The following SLC35D1 variants were observed in gnomAD, a reference collection of about 807,000 sequenced individuals.
SLC35D1 encodes the protein solute carrier family 35 member D1, also known as nucleotide sugar transporter SLC35D1.
Under a neutral mutation model 46.7 loss-of-function variants are expected in SLC35D1, and 31 were observed. That is an observed-to-expected ratio of 0.66 (90% CI 0.50 to 0.90). SLC35D1 has a LOEUF of 0.90. Among genes scored for constraint, SLC35D1 ranks in the 40% least tolerant of loss-of-function variants. The pLI is 0.00. For synonymous variants in SLC35D1, 195 were observed against 164.6 expected (o/e 1.18, Z -1.41); for missense variants, 397 against 426.2 (o/e 0.93, Z 0.60).
chr1:66,979,010 A>G, the SLC35D1 span, among the ~76,000 whole-genome samples: 4 of 152,232 alleles, frequency 2.6e-5, no homozygotes, highest in East Asian at 1.9e-4. Flanking sequence ...GTCACCTGGT[A>G]TAATGGTATG....
Position 67,054,085 on chromosome 1 carries a change from G to A in SLC35D1, c.-72C>T, listed in dbSNP as rs1645346765. 1 of 1,506,900 alleles carries A rather than the reference G, an allele frequency of 6.6e-7. No individual in the cohort carries two copies. Among genetic ancestry groups the A allele is most frequent in the Non-Finnish European group, 9.1e-7 (1 of 1,100,148 alleles). 93.3% of individuals were successfully genotyped at this position (1,506,900 alleles called of 1,614,324 possible). On this transcript the variant is annotated 5_prime_UTR_variant, in exon 1 of 12. Transcript: ENST00000235345. ...GGGCCTGCAGCGGCAGCTCCCAGGG[G>A]ACTCCAGGAGTTGGGGACCGCAGAC...
rs199561187 is a variant in SLC35D1, at chr1:67,042,258, T to C, written c.707A>G (p.Tyr236Cys). The C allele has an allele frequency of 8.9e-5, 144 of 1,614,140 alleles. No homozygotes were observed. In the East Asian group the frequency reaches 2.9e-3, roughly 32 times the overall value. Residue 236 changes from tyrosine (Y) to cysteine (C), a missense_variant, in exon 8 of 12, where the codon TAT becomes TGT. Physicochemically the swap from Tyr to Cys is radical, Grantham distance 194 (BLOSUM62 -2). Coordinates refer to ENST00000235345, the MANE Select transcript of SLC35D1 (RefSeq NM_015139.3). ...FMILPTLAIAYFTGDAQKAVE... is the reference protein window; with the variant it reads ...FMILPTLAIACFTGDAQKAVE... ...TACCTTTTGTGCATCTCCTGTGAAA[T>C]ACGCAATGGCCAGGGTGGGCAGAAT...
downstream of SLC35D1, among the ~76,000 whole-genome samples, chr1:66,997,829 A>AT (rs1323854968): frequency 1.5e-4 from 22 of 147,960 alleles, no homozygotes; most frequent in African/African-American, 4.7e-4. Context: ...ACTGTTAAAA[A>AT]AATATATATA....
At chr1:67,047,233 C>A (rs371686526) in intron 7 of SLC35D1, 32 bp downstream of exon 7, 117 of 1,535,246 alleles carry the variant, frequency 7.6e-5, no homozygotes, top group Non-Finnish European at 1.0e-4. Context: ...AACATCAGTA[C>A]ACAACTGTTA....
rs1323014518 is a variant in SLC35D1 at position 67,003,070 on chromosome 1, G to A, written c.*1270C>T. Reference sequence around the variant, plus strand: ...AGGGGCACATGATGTAGGTGAGAATGTTGAAAGGAGGGAAGTTTGCTCATT... The same window carrying A: ...AGGGGCACATGATGTAGGTGAGAATATTGAAAGGAGGGAAGTTTGCTCATT... On this transcript the variant is annotated 3_prime_UTR_variant, in exon 12 of 12. Transcript: ENST00000235345. The A allele has an allele frequency of 2.0e-5, 3 of 152,366 alleles. No homozygotes were observed. Among genetic ancestry groups the A allele is most frequent in the Non-Finnish European group, 4.4e-5 (3 of 68,054 alleles). 9.4% of individuals were successfully genotyped at this position (152,366 alleles called of 1,614,324 possible). A position where few individuals can be genotyped will look rare whatever the true frequency, so the allele number is the denominator to read the frequency against.
At chr1:67,010,314 C>T (rs896412547) in intron 10 of SLC35D1, among the ~76,000 whole-genome samples, 9 of 152,174 alleles carry the variant, frequency 5.9e-5, no homozygotes, top group African/African-American at 2.2e-4. Context: ...AACAAACCTG[C>T]ACATGCACCC....
chr1:66,992,830 C>T, the SLC35D1 span, among the ~76,000 whole-genome samples: 2 of 152,192 alleles, frequency 1.3e-5, no homozygotes, highest in Non-Finnish European at 2.9e-5. Flanking sequence ...ATAGGCTGGT[C>T]ACAGAGAAAG....
At chr1:66,990,107 T>C in the SLC35D1 span, among the ~76,000 whole-genome samples, 3 of 152,226 alleles carry the variant, frequency 2.0e-5, no homozygotes, top group Non-Finnish European at 4.4e-5. Context: ...GACAGAAATT[T>C]ACTTGGGTGG....
At chr1:67,039,844 C>T (rs1305011188) in intron 8 of SLC35D1, among the ~76,000 whole-genome samples, 3 of 152,048 alleles carry the variant, frequency 2.0e-5, no homozygotes, top group Non-Finnish European at 2.9e-5. Flanking sequence ...AGGGCTGTAC[C>T]TAGAGACTCA....
At chr1:66,988,372 G>GT in the SLC35D1 span, 1 of 151,804 alleles carries the variant, frequency 6.6e-6, no homozygotes, top group Non-Finnish European at 1.5e-5. Context: ...AATCTTAAAG[G>GT]GTTTTCCACA....
chr1:67,029,178 CAAGAG>C (rs2102306324), intron 8 of SLC35D1, among the ~76,000 whole-genome samples: 1 of 152,294 alleles, frequency 6.6e-6, no homozygotes, highest in East Asian at 1.9e-4. Context: ...CTGCCAAACT[CAAGAG>C]AAGACTAAAT....
intron 10 of SLC35D1, among the ~76,000 whole-genome samples, chr1:67,017,143 TA>T (rs772553037): frequency 6.6e-6 from 1 of 152,184 alleles, no homozygotes; most frequent in Non-Finnish European, 1.5e-5. Context: ...AAGAAGAGCC[TA>T]TATGGCCAAT....
the SLC35D1 span, chr1:66,986,547 C>T: frequency 2.7e-6 from 3 of 1,118,954 alleles, no homozygotes; most frequent in Non-Finnish European, 4.1e-6. Context: ...GAGAAATTAG[C>T]ATTCAGGCCT....
chr1:66,980,826 C>T, the SLC35D1 span, among the ~76,000 whole-genome samples: 2 of 151,714 alleles, frequency 1.3e-5, no homozygotes, highest in African/African-American at 4.8e-5. Flanking sequence ...TTTTCTGTAA[C>T]AGGTAGAGAA....
intron 8 of SLC35D1, among the ~76,000 whole-genome samples, chr1:67,022,307 T>C (rs1204987885): frequency 6.6e-6 from 1 of 152,242 alleles, no homozygotes; most frequent in African/African-American, 2.4e-5. Context: ...TTATCTCTGC[T>C]AACCTGTCCA....
chr1:66,989,382 G>A, the SLC35D1 span, among the ~76,000 whole-genome samples: 1 of 152,202 alleles, frequency 6.6e-6, no homozygotes, highest in Admixed American at 6.5e-5. Context: ...GTAGAGTTCA[G>A]GTAGTTCTAA....
intron 8 of SLC35D1, among the ~76,000 whole-genome samples, chr1:67,040,553 T>TGAA (rs1239148442): frequency 6.6e-6 from 1 of 152,192 alleles, no homozygotes; most frequent in Non-Finnish European, 1.5e-5. Context: ...CCTTCTAATT[T>TGAA]GAAGAGTCTG....
chr1:67,014,556 C>T (rs1474875225), intron 10 of SLC35D1, among the ~76,000 whole-genome samples: 1 of 151,418 alleles, frequency 6.6e-6, no homozygotes, highest in African/African-American at 2.4e-5. Context: ...AGTTAGTACT[C>T]ACAAATTAAA....
At chr1:67,034,120 A>G in intron 8 of SLC35D1, among the ~76,000 whole-genome samples, 1 of 152,204 alleles carries the variant, frequency 6.6e-6, no homozygotes, top group East Asian at 1.9e-4. Flanking sequence ...GAAGTCAGGT[A>G]ATGTGATTCC....
Sources: gnomAD v4.1 joint callset for allele counts (sites outside exome capture counted in the v4.1 genomes callset) on GRCh38, gnomAD v4.1.1 for gene constraint, MANE v1.5 for transcripts, NCBI Gene and HGNC (gene_info 2026-07-23, HGNC 2026-07-21) for gene names.